Variants in ANOS1 observed in about 807,000 individuals in gnomAD.
ANOS1 encodes the protein anosmin 1.
A neutral mutation model predicts 59.0 loss-of-function variants in ANOS1; 6 were observed. The ratio of observed to expected loss-of-function variants is 0.10; its 90% CI spans 0.06 to 0.20. The LOEUF is 0.20. ANOS1 is among the 10% of genes least tolerant of loss of function. The pLI is 1.00. For synonymous variants in ANOS1, 217 were observed against 223.4 expected (o/e 0.97, Z 0.25); for missense variants, 433 against 542.3 (o/e 0.80, Z 2.00).
At chrX:8,567,826 C>G (rs891344822) in intron 8 of ANOS1, among the ~76,000 whole-genome samples, 1 of 110,676 alleles carries the variant, frequency 9.0e-6, no homozygotes, top group South Asian at 3.8e-4. Flanking sequence ...CAAAACAAAA[C>G]AACAACAACA....
At chrX:8,713,172 G>A (rs976033997) in intron 1 of ANOS1, among the ~76,000 whole-genome samples, 4 of 110,897 alleles carry the variant, frequency 3.6e-5, no homozygotes, top group South Asian at 3.9e-4. Flanking sequence ...TGTTTCTGCT[G>A]AGGACACCAC....
rs1433102028 is a variant in ANOS1 at position 8,529,958 on chromosome X, T to A, written c.*3037A>T. ...GTTGAGGTTGAGATGAACCTCTGTA[T>A]ACAGTCGGCTATGTATCTAAGGTTT... On this transcript the variant is annotated 3_prime_UTR_variant, in exon 14 of 14. Transcript: ENST00000262648. The A allele has an allele frequency of 8.9e-6, 1 of 111,952 alleles. No homozygotes were observed. The highest frequency in any genetic ancestry group is 3.2e-5 in the African/African-American group (1 of 30,793). The allele number at this position is 111,952 out of a possible 1,213,427, so 9.2% of individuals were successfully genotyped here.
intron 2 of ANOS1, among the ~76,000 whole-genome samples, chrX:8,682,628 T>C (rs750423147): frequency 1.8e-5 from 2 of 111,392 alleles, no homozygotes; most frequent in African/African-American, 3.3e-5. Context: ...CATAATGTGC[T>C]GATTAATTCC....
intron 6 of ANOS1, among the ~76,000 whole-genome samples, chrX:8,571,009 G>A (rs1252305826): frequency 1.8e-5 from 2 of 108,405 alleles, no homozygotes; most frequent in African/African-American, 3.4e-5. Context: ...TACTCAGGAA[G>A]CTGAGGCGGA....
intron 2 of ANOS1, among the ~76,000 whole-genome samples, chrX:8,692,353 A>C (rs773227572): frequency 9.0e-6 from 1 of 111,644 alleles, no homozygotes; most frequent in Non-Finnish European, 1.9e-5. Context: ...TATGGGCTGC[A>C]AAGACAAAGA....
At chrX:8,582,493 G>A (rs1930443355) in intron 6 of ANOS1, among the ~76,000 whole-genome samples, 1 of 111,409 alleles carries the variant, frequency 9.0e-6, no homozygotes, top group Non-Finnish European at 1.9e-5. Flanking sequence ...GAAGGAGAAA[G>A]GGGGGGTCAA....
At chrX:8,613,087 A>G (rs939868056) in intron 3 of ANOS1, among the ~76,000 whole-genome samples, 1 of 112,622 alleles carries the variant, frequency 8.9e-6, no homozygotes, top group African/African-American at 3.2e-5. Context: ...TCATGTTTAC[A>G]ATGCATTGGG....
At position 8,699,739 on chromosome X, in the gene ANOS1, C is replaced by G; in HGVS notation, c.214G>C (p.Gly72Arg). Reference protein sequence around the residue: ...SAFFQHFQNNGSLVWCQNHKQ... With the variant: ...SAFFQHFQNNRSLVWCQNHKQ... ...TGATTCTGGCACCAAACCAGGGAAC[C>G]ATTGTTCTGCAAAAAGAAAAAGGAA... The change falls in exon 2 of 14, where the codon GGT (glycine) becomes CGT (arginine). Residue 72 changes from glycine to arginine, a missense_variant. Physicochemically the swap from Gly to Arg is moderately radical, Grantham distance 125 (BLOSUM62 -2). Coordinates refer to ENST00000262648, the MANE Select transcript of ANOS1 (RefSeq NM_000216.4). 7 of 1,191,523 alleles carry G rather than the reference C, an allele frequency of 5.9e-6. No homozygotes were observed. Among genetic ancestry groups the G allele is most frequent in the Non-Finnish European group, 7.9e-6 (7 of 881,121 alleles).
chrX:8,660,290 CT>C (rs1409432113), intron 2 of ANOS1, among the ~76,000 whole-genome samples: 1 of 112,081 alleles, frequency 8.9e-6, no homozygotes, highest in African/African-American at 3.2e-5. Flanking sequence ...GGGAGACTGG[CT>C]TAGGTTTGTT....
chrX:8,655,041 A>AT (rs781341097), intron 2 of ANOS1, among the ~76,000 whole-genome samples: 3,439 of 107,835 alleles, frequency 0.032, 89 homozygotes, highest in African/African-American at 0.088. Context: ...TGTGGAATAT[A>AT]TTTTTTTTTT....
At chrX:8,628,193 GAC>G (rs1453220243) in intron 2 of ANOS1, among the ~76,000 whole-genome samples, 1 of 111,703 alleles carries the variant, frequency 9.0e-6, no homozygotes, top group Non-Finnish European at 1.9e-5. Flanking sequence ...CCAGTGCCAT[GAC>G]AGTTTACAAG....
intron 2 of ANOS1, among the ~76,000 whole-genome samples, chrX:8,640,334 C>A (rs188814738): frequency 1.4e-4 from 16 of 110,764 alleles, no homozygotes; most frequent in African/African-American, 4.6e-4. Flanking sequence ...GGAAGGGAAG[C>A]GGGAAGAGGA....
chrX:8,580,962 A>C (rs1004245704), intron 6 of ANOS1, among the ~76,000 whole-genome samples: 1 of 111,907 alleles, frequency 8.9e-6, no homozygotes, highest in Non-Finnish European at 1.9e-5. Context: ...CCACTGGAAG[A>C]CTGGCACAGT....
intron 2 of ANOS1, among the ~76,000 whole-genome samples, chrX:8,685,716 G>A (rs190272855): frequency 5.5e-4 from 61 of 110,412 alleles, no homozygotes; most frequent in African/African-American, 1.9e-3. Context: ...AAAGGCAGGA[G>A]GGAAGAAGAG....
chrX:8,547,940 T>C (rs973941089), intron 9 of ANOS1, among the ~76,000 whole-genome samples: 4 of 111,479 alleles, frequency 3.6e-5, no homozygotes, highest in East Asian at 2.8e-4. Flanking sequence ...TGGTCTCAAA[T>C]TCCTAACCTC....
intron 2 of ANOS1, among the ~76,000 whole-genome samples, chrX:8,636,651 A>G (rs1326180145): frequency 2.7e-5 from 3 of 111,726 alleles, no homozygotes. Context: ...CTTAATATCT[A>G]TCTGTGTGGC....
chrX:8,608,866 A>C (rs1388267263), intron 3 of ANOS1, among the ~76,000 whole-genome samples: 2 of 111,937 alleles, frequency 1.8e-5, no homozygotes, highest in Non-Finnish European at 3.8e-5. Context: ...CTTCCCCTTC[A>C]CCTTCTACCA....
Position 8,698,123 on chromosome X carries a change from C to A in ANOS1, c.255+1575G>T, listed in dbSNP as rs779265282. ...ATTTCTGTCAGCTTTGTAATATATT[C>A]CAGAGTTTCAGTTGGGCTTAATTGT... On this transcript the variant is annotated intron_variant, in intron 2 of 13. Coordinates refer to ENST00000262648, the MANE Select transcript of ANOS1 (RefSeq NM_000216.4). Among the ~76,000 whole-genome samples the A allele has an allele frequency of 1.2e-4, 14 of 112,033 alleles. No individual in the cohort carries two copies. The East Asian group carries it at 2.5e-3, about 20-fold the overall frequency.
intron 2 of ANOS1, among the ~76,000 whole-genome samples, chrX:8,675,596 G>C (rs1185130022): frequency 9.0e-6 from 1 of 111,340 alleles, no homozygotes; most frequent in Non-Finnish European, 1.9e-5. Context: ...ACCATTTCAT[G>C]CGTCTCTAAA....
Sources: allele counts gnomAD v4.1 joint callset (sites outside exome capture counted in the v4.1 genomes callset), GRCh38; gene constraint gnomAD v4.1.1; transcripts MANE v1.5; gene names NCBI Gene and HGNC (gene_info 2026-07-23, HGNC 2026-07-21).